Variants in SZRD1 observed in about 807,000 individuals in gnomAD.
SZRD1 encodes SUZ RNA-binding domain-containing.
A neutral mutation model predicts 17.6 loss-of-function variants in SZRD1; 7 were observed. That is an observed-to-expected ratio of 0.40 (90% CI 0.23 to 0.75). The LOEUF (loss-of-function observed/expected upper bound fraction) is 0.75, where lower values mean the gene tolerates loss of function less well. Among genes scored for constraint, SZRD1 ranks in the 30% least tolerant of loss-of-function variants. The pLI is 0.38. For synonymous variants in SZRD1, 77 were observed against 77.9 expected (o/e 0.99, Z 0.06); for missense variants, 178 against 201.8 (o/e 0.88, Z 0.71).
intron 1 of SZRD1, among the ~76,000 whole-genome samples, chr1:16,373,574 C>T (rs1048570712): frequency 2.0e-4 from 29 of 144,642 alleles, no homozygotes; most frequent in Non-Finnish European, 3.5e-4. Flanking sequence ...AGTGGAACTC[C>T]GTCTCAAAAA....
At chr1:16,381,325 G>A (rs1038612400) in intron 1 of SZRD1, among the ~76,000 whole-genome samples, 4 of 151,970 alleles carry the variant, frequency 2.6e-5, no homozygotes, top group African/African-American at 9.7e-5. Flanking sequence ...TTGGAAGGCC[G>A]AGGTGGGTGG....
chr1:16,385,295 C>G (rs1376981176), intron 1 of SZRD1, among the ~76,000 whole-genome samples: 1 of 152,118 alleles, frequency 6.6e-6, no homozygotes, highest in Non-Finnish European at 1.5e-5. Context: ...AGCAGCAGAT[C>G]AGGCACCAGA....
intron 1 of SZRD1, among the ~76,000 whole-genome samples, chr1:16,389,460 G>A (rs983613355): frequency 2.1e-4 from 23 of 110,718 alleles, no homozygotes; most frequent in Non-Finnish European, 2.9e-4. Context: ...CCGCCACAAC[G>A]CCTGGCTAAT....
intron 1 of SZRD1, among the ~76,000 whole-genome samples, chr1:16,367,559 C>T (rs2082843214): frequency 6.6e-6 from 1 of 152,240 alleles, no homozygotes. Context: ...GGGCGCCCCA[C>T]CCGCCACCCG....
chr1:16,378,042 C>CA (rs2083032676), intron 1 of SZRD1, among the ~76,000 whole-genome samples: 1 of 152,110 alleles, frequency 6.6e-6, no homozygotes, highest in African/African-American at 2.4e-5. Context: ...GCAGGAGCCC[C>CA]ATTAGATTCG....
At chr1:16,372,128 CTT>C (rs899042213) in intron 1 of SZRD1, among the ~76,000 whole-genome samples, 1 of 148,106 alleles carries the variant, frequency 6.8e-6, no homozygotes, top group African/African-American at 2.5e-5. Context: ...TTTTCTTTTT[CTT>C]TTTTTTTTGA....
intron 1 of SZRD1, among the ~76,000 whole-genome samples, chr1:16,374,285 T>C (rs1272467712): frequency 6.6e-6 from 1 of 152,204 alleles, no homozygotes; most frequent in African/African-American, 2.4e-5. Flanking sequence ...CAGAAGGGGC[T>C]TTCTGTGAAG....
At chr1:16,375,684 C>G (rs1317842906) in intron 1 of SZRD1, among the ~76,000 whole-genome samples, 1 of 152,158 alleles carries the variant, frequency 6.6e-6, no homozygotes, top group Admixed American at 6.5e-5. Context: ...GCCCCTCCCC[C>G]CAACAAACTC....
intron 1 of SZRD1, among the ~76,000 whole-genome samples, chr1:16,368,506 G>A (rs1329976987): frequency 6.6e-6 from 1 of 152,124 alleles, no homozygotes; most frequent in Non-Finnish European, 1.5e-5. Flanking sequence ...TTTCCATTTA[G>A]CATAATTGAG....
At chr1:16,387,764 C>T (rs566645391) in intron 1 of SZRD1, 10 of 449,150 alleles carry the variant, frequency 2.2e-5, no homozygotes, top group South Asian at 1.3e-4. Context: ...AACTTTAAAA[C>T]AAGAAGTTAC....
chr1:16,387,732 G>A, intron 1 of SZRD1: 2 of 456,236 alleles, frequency 4.4e-6, no homozygotes, highest in Middle Eastern at 3.3e-4. Flanking sequence ...TATTTAGAGT[G>A]GAGCGAAATG....
At chr1:16,387,824 A>G in intron 1 of SZRD1, 1 of 389,666 alleles carries the variant, frequency 2.6e-6, no homozygotes. Flanking sequence ...TATGAGCTGT[A>G]GTACTTACTC....
At chr1:16,382,153 C>T (rs2083114857) in intron 1 of SZRD1, among the ~76,000 whole-genome samples, 1 of 151,498 alleles carries the variant, frequency 6.6e-6, no homozygotes, top group Non-Finnish European at 1.5e-5. Context: ...AAAATAGCAC[C>T]AGGAGAGGGT....
chr1:16,370,187 CAT>C (rs745569142), intron 1 of SZRD1, among the ~76,000 whole-genome samples: 5 of 150,968 alleles, frequency 3.3e-5, no homozygotes, highest in South Asian at 2.1e-4. Context: ...TACCTGGGGA[CAT>C]GTGGAAAATT....
In SZRD1 at chr1:16,393,599, T is replaced by C. The variant is rs141064290; in HGVS notation, c.356+117T>C. 1.1e-3 allele frequency: 1,288 copies of C among 1,150,990 alleles called. 2 individuals carry two copies. Among genetic ancestry groups the C allele is most frequent in the Non-Finnish European group, 1.5e-3 (1,218 of 824,942 alleles). The allele number at this position is 1,150,990 out of a possible 1,614,324, so 71.3% of individuals were successfully genotyped here. A position where few individuals can be genotyped will look rare whatever the true frequency, so the allele number is the denominator to read the frequency against. Reference sequence around the variant, plus strand: ...GCAAGCAGAGTCAGGGTAGGAACCATGCAGCTCCACTTGCTGATCCCAGCC... The same window carrying C: ...GCAAGCAGAGTCAGGGTAGGAACCACGCAGCTCCACTTGCTGATCCCAGCC... On this transcript the variant is annotated intron_variant, in intron 3 of 3. Coordinates refer to ENST00000401088, the MANE Select transcript of SZRD1 (RefSeq NM_001114600.3). The surrounding 1 kb of genome is among the most constrained non-coding windows in gnomAD (Gnocchi z 5.6).
intron 1 of SZRD1, among the ~76,000 whole-genome samples, chr1:16,386,580 C>G (rs1443400360): frequency 6.6e-6 from 1 of 152,178 alleles, no homozygotes; most frequent in Non-Finnish European, 1.5e-5. Context: ...ACTCATGATA[C>G]CTGGACAGAC....
intron 1 of SZRD1, among the ~76,000 whole-genome samples, chr1:16,371,450 TTTTTTTTTTTCCCC>T (rs2082911880): frequency 1.1e-5 from 1 of 94,832 alleles, no homozygotes; most frequent in African/African-American, 4.9e-5. Context: ...TTTTTTTTCC[TTTTTTTTTTTCCCC>T]TTTTTTTTTT....
rs2082892944 is a variant in SZRD1, at chr1:16,370,340, C to G, written c.51+3032C>G. Among the ~76,000 whole-genome samples, 4 of 151,446 alleles carry G rather than the reference C, an allele frequency of 2.6e-5. No homozygotes were observed. In the South Asian group the frequency reaches 8.3e-4, roughly 32 times the overall value. On this transcript the variant is annotated intron_variant, in intron 1 of 3. Transcript: ENST00000401088. ...TCCCAGGTTCAAGCGATTCTCGTGC[C>G]TCAGCCTCCCGAGTAGCTGGGATTA...
chr1:16,376,397 C>A (rs540495645), intron 1 of SZRD1, among the ~76,000 whole-genome samples: 5 of 152,162 alleles, frequency 3.3e-5, no homozygotes, highest in African/African-American at 4.8e-5. Context: ...AAGCGATAAT[C>A]CTGCTCTCAG....
Sources: allele counts gnomAD v4.1 joint callset (sites outside exome capture counted in the v4.1 genomes callset), GRCh38; gene constraint gnomAD v4.1.1; non-coding constraint Gnocchi (gnomAD v3.1); transcripts MANE v1.5; gene names NCBI Gene and HGNC (gene_info 2026-07-23, HGNC 2026-07-21).